The following MYO5B variants were observed in gnomAD, a reference collection of about 807,000 sequenced individuals.
MYO5B encodes the protein myosin VB.
A neutral mutation model predicts 229.3 loss-of-function variants in MYO5B; 143 were observed. That is an observed-to-expected ratio of 0.62 (90% CI 0.54 to 0.72). The LOEUF is 0.72. MYO5B is among the 30% of genes least tolerant of loss of function. The probability of loss-of-function intolerance (pLI) is 0.00; values close to 1 mark genes in which losing one functional copy is unlikely to be tolerated. For synonymous variants in MYO5B, 918 were observed against 885.2 expected, an observed-to-expected ratio of 1.04 and a Z score of -0.66; for missense variants, 2,321 against 2,331.0, an observed-to-expected ratio of 1.00 and a Z score of 0.09.
At chr18:50,119,606 G>T (rs988677559) in intron 1 of MYO5B, among the ~76,000 whole-genome samples, 3 of 152,162 alleles carry the variant, frequency 2.0e-5, no homozygotes, top group African/African-American at 7.2e-5. Context: ...AAGTCCCAGG[G>T]TCAGTGAGCG....
At chr18:50,021,704 C>T (rs1228187251) in intron 4 of MYO5B, among the ~76,000 whole-genome samples, 1 of 134,126 alleles carries the variant, frequency 7.5e-6, no homozygotes, top group Non-Finnish European at 1.6e-5. Flanking sequence ...CCACAACACC[C>T]CATCCCATCT....
intron 11 of MYO5B, 43 bp downstream of exon 11, chr18:49,962,906 T>C (rs770720494): frequency 3.7e-5 from 56 of 1,521,320 alleles, no homozygotes; most frequent in Non-Finnish European, 5.1e-5. Context: ...CCCAGAGGAG[T>C]CCCCCCAATC....
At chr18:50,032,481 T>C (rs2026400741) in intron 4 of MYO5B, among the ~76,000 whole-genome samples, 1 of 152,242 alleles carries the variant, frequency 6.6e-6, no homozygotes, top group Non-Finnish European at 1.5e-5. Context: ...GTCTTTTTTA[T>C]CTGGCTTCTT....
At chr18:50,090,709 A>T (rs1346159543) in intron 1 of MYO5B, among the ~76,000 whole-genome samples, 1 of 152,218 alleles carries the variant, frequency 6.6e-6, no homozygotes. Flanking sequence ...GCACTTTTGT[A>T]CCAAAGTCTG....
At chr18:50,059,897 A>G (rs574323471) in intron 1 of MYO5B, among the ~76,000 whole-genome samples, 1 of 152,352 alleles carries the variant, frequency 6.6e-6, no homozygotes, top group South Asian at 2.1e-4. Context: ...TTGCTTCTGT[A>G]ATCAAGTACA....
chr18:50,192,833 T>G (rs2033246579), intron 1 of MYO5B, among the ~76,000 whole-genome samples: 1 of 152,236 alleles, frequency 6.6e-6, no homozygotes, highest in Admixed American at 6.5e-5. Flanking sequence ...ACTAAGTGGC[T>G]GGTATAACTT....
intron 1 of MYO5B, among the ~76,000 whole-genome samples, chr18:50,165,757 G>A (rs1005353670): frequency 6.6e-6 from 1 of 151,790 alleles, no homozygotes; most frequent in East Asian, 1.9e-4. Flanking sequence ...GCCTGGGTGC[G>A]ACAGAGCCAG....
chr18:50,114,037 A>C (rs2031913807), intron 1 of MYO5B, among the ~76,000 whole-genome samples: 1 of 152,126 alleles, frequency 6.6e-6, no homozygotes, highest in African/African-American at 2.4e-5. Context: ...CTGCCACCTG[A>C]GCTTGGCTTT....
At chr18:49,927,807 G>A (rs893788304) in intron 17 of MYO5B, among the ~76,000 whole-genome samples, 1 of 152,152 alleles carries the variant, frequency 6.6e-6, no homozygotes, top group African/African-American at 2.4e-5. Flanking sequence ...AGGTAACATT[G>A]GGAAAACCCT....
At chr18:49,847,080 G>A in intron 33 of MYO5B, 66 bp downstream of exon 33, 1 of 1,601,534 alleles carries the variant, frequency 6.2e-7, no homozygotes, top group South Asian at 1.1e-5. Flanking sequence ...GTTGTGCTGG[G>A]GATGGAGATG....
At chr18:50,041,408 T>C (rs2030011221) in intron 2 of MYO5B, among the ~76,000 whole-genome samples, 2 of 152,140 alleles carry the variant, frequency 1.3e-5, no homozygotes, top group South Asian at 4.1e-4. Context: ...GACTCGGTTA[T>C]CAAATGTTAA....
intron 5 of MYO5B, among the ~76,000 whole-genome samples, chr18:49,997,129 T>C (rs908802537): frequency 1.6e-4 from 24 of 151,956 alleles, no homozygotes; most frequent in African/African-American, 5.8e-4. Context: ...TAGCTGGTCA[T>C]GGTGGTGCAC....
At chr18:49,987,037 A>G (rs923435962) in intron 7 of MYO5B, among the ~76,000 whole-genome samples, 1 of 152,212 alleles carries the variant, frequency 6.6e-6, no homozygotes, top group African/African-American at 2.4e-5. Flanking sequence ...CTAGACTTTC[A>G]TATTAGAGGG....
chr18:50,056,583 A>G (rs769206911), intron 1 of MYO5B, among the ~76,000 whole-genome samples: 2 of 152,198 alleles, frequency 1.3e-5, no homozygotes, highest in Non-Finnish European at 2.9e-5. Flanking sequence ...CTTTTGACCA[A>G]AAGCTCAACC....
At chr18:49,919,484 A>C (rs1430962689) in intron 17 of MYO5B, among the ~76,000 whole-genome samples, 3 of 152,226 alleles carry the variant, frequency 2.0e-5, no homozygotes, top group Non-Finnish European at 2.9e-5. Context: ...CTCAACAAGA[A>C]GACAAGTAAT....
At chr18:50,159,771 C>A (rs770001235) in intron 1 of MYO5B, among the ~76,000 whole-genome samples, 3 of 152,190 alleles carry the variant, frequency 2.0e-5, no homozygotes, top group African/African-American at 7.2e-5. Flanking sequence ...AAGGTCTTCA[C>A]GTTCCACTGT....
intron 1 of MYO5B, among the ~76,000 whole-genome samples, chr18:50,058,384 C>G (rs2030604280): frequency 6.6e-6 from 1 of 152,136 alleles, no homozygotes; most frequent in Admixed American, 6.5e-5. Context: ...GCATGAGGGT[C>G]CCTGGAGCCC....
intron 1 of MYO5B, among the ~76,000 whole-genome samples, chr18:50,121,883 C>A (rs2032063240): frequency 6.6e-6 from 1 of 152,224 alleles, no homozygotes; most frequent in Non-Finnish European, 1.5e-5. Flanking sequence ...CCAATAACAG[C>A]CCTTTCTCAC....
intron 10 of MYO5B, among the ~76,000 whole-genome samples, chr18:49,973,396 G>A (rs370924191): frequency 1.1e-4 from 17 of 152,276 alleles, no homozygotes; most frequent in South Asian, 8.3e-4. Context: ...GGTGAGTACC[G>A]GGTGAGTTCT....
Sources: gnomAD v4.1 joint callset for allele counts (sites outside exome capture counted in the v4.1 genomes callset) on GRCh38, gnomAD v4.1.1 for gene constraint, MANE v1.5 for transcripts, NCBI Gene and HGNC (gene_info 2026-07-23, HGNC 2026-07-21) for gene names.